The following DCDC1 variants were observed in gnomAD, a reference collection of about 807,000 sequenced individuals.
DCDC1 encodes doublecortin domain-containing protein 1.
A neutral mutation model predicts 178.3 loss-of-function variants in DCDC1; 200 were observed. The ratio of observed to expected loss-of-function variants is 1.12; its 90% CI spans 1.00 to 1.26. The LOEUF (loss-of-function observed/expected upper bound fraction) is 1.26. Ranked by LOEUF, DCDC1 falls within the 50% of genes most tolerant of loss-of-function variation. The pLI, the probability that DCDC1 is intolerant of heterozygous loss-of-function variation, is 0.00. For missense variants in DCDC1, 1,983 were observed against 1,749.2 expected, an observed-to-expected ratio of 1.13 and a Z score of -2.38; for synonymous variants, 690 against 604.8, an observed-to-expected ratio of 1.14 and a Z score of -2.07.
At chr11:30,999,300 G>A (rs146158490) in intron 20 of DCDC1, among the ~76,000 whole-genome samples, 10 of 152,228 alleles carry the variant, frequency 6.6e-5, no homozygotes, top group African/African-American at 1.9e-4. Context: ...TCTGATAAAT[G>A]TATCATGGTT....
chr11:31,159,169 T>C (rs1327741198), intron 9 of DCDC1, among the ~76,000 whole-genome samples: 6 of 152,244 alleles, frequency 3.9e-5, no homozygotes, highest in African/African-American at 1.2e-4. Context: ...TGTCAAATAA[T>C]TAATAAAGCA....
intron 11 of DCDC1, among the ~76,000 whole-genome samples, chr11:31,111,396 C>T (rs1286131685): frequency 3.3e-5 from 5 of 151,806 alleles, no homozygotes; most frequent in Non-Finnish European, 7.4e-5. Flanking sequence ...ATAACACTTC[C>T]TCAGCCTTTA....
rs573645447 is a variant in DCDC1, at chr11:31,241,481, C to T, written c.1190G>A (p.Arg397Gln). ...IQGVLLALYQ[R>Q]LKSAKKYYKQ... is the part of the protein sequence containing the mutation. Reference sequence around the variant, plus strand: ...ATAATATTTTTTTGCAGACTTTAATCGTTGGTACAGGGCCAAAAGAACTCC... The same window carrying T: ...ATAATATTTTTTTGCAGACTTTAATTGTTGGTACAGGGCCAAAAGAACTCC... The change falls in exon 9 of 39, where the codon CGA becomes CAA. Residue 397 changes from arginine to glutamine, a missense_variant. Physicochemically the swap from Arg to Gln is conservative, Grantham distance 43 (BLOSUM62 1). Coordinates refer to ENST00000684477, the MANE Select transcript of DCDC1 (RefSeq NM_001387274.1). The T allele has an allele frequency of 2.0e-5, 8 of 397,288 alleles. No individual in the cohort carries two copies. The South Asian group carries it at 5.1e-4, about 25-fold the overall frequency. The allele number at this position is 397,288 out of a possible 1,614,324, so 24.6% of individuals were successfully genotyped here.
At chr11:31,247,735 T>A (rs1231665486) in intron 8 of DCDC1, among the ~76,000 whole-genome samples, 2 of 152,184 alleles carry the variant, frequency 1.3e-5, no homozygotes, top group South Asian at 4.1e-4. Flanking sequence ...CAGGTCAGCA[T>A]ACACAATTCA....
At chr11:31,258,149 A>G (rs1944538647) in intron 8 of DCDC1, among the ~76,000 whole-genome samples, 1 of 152,234 alleles carries the variant, frequency 6.6e-6, no homozygotes, top group Non-Finnish European at 1.5e-5. Context: ...AAGGAAAGAC[A>G]AAGACAAGAT....
intron 20 of DCDC1, among the ~76,000 whole-genome samples, chr11:30,977,546 A>G (rs1429270902): frequency 6.6e-6 from 1 of 152,204 alleles, no homozygotes; most frequent in South Asian, 2.1e-4. Context: ...AGTTTTTAAA[A>G]TTATATAAAA....
intron 9 of DCDC1, among the ~76,000 whole-genome samples, chr11:31,213,580 C>T (rs1022403923): frequency 3.3e-5 from 5 of 151,738 alleles, no homozygotes; most frequent in East Asian, 1.9e-4. Context: ...ATTAGCCAGG[C>T]GTGGTGGCGG....
At chr11:30,988,846 C>G (rs1463764044) in intron 20 of DCDC1, among the ~76,000 whole-genome samples, 1 of 152,214 alleles carries the variant, frequency 6.6e-6, no homozygotes, top group Non-Finnish European at 1.5e-5. Flanking sequence ...GATCTAGAGC[C>G]TTTCCACCAG....
intron 20 of DCDC1, among the ~76,000 whole-genome samples, chr11:30,968,748 TTCTGTGGTTTCAGGC>T (rs1949615492): frequency 7.1e-6 from 1 of 140,776 alleles, no homozygotes; most frequent in Non-Finnish European, 1.5e-5. Flanking sequence ...GTTTGATATT[TTCTGTGGTTTCAGGC>T]ATCCACTAGG....
intron 1 of DCDC1, among the ~76,000 whole-genome samples, chr11:31,353,914 G>C (rs528953437): frequency 6.6e-6 from 1 of 152,188 alleles, no homozygotes; most frequent in African/African-American, 2.4e-5. Flanking sequence ...CAGTCTCTAA[G>C]AAGTACATTG....
chr11:31,251,770 A>T lies in DCDC1; in HGVS notation c.1055-10154T>A, dbSNP rs952821988. On this transcript the variant is annotated intron_variant, in intron 8 of 38. Transcript: ENST00000684477. ...GTAATATTTAAATAAAGACCTTAAC[A>T]TAAGTAGGCAATAGCCTGCCAAGAG... Among the ~76,000 whole-genome samples the T allele has an allele frequency of 2.0e-5, 3 of 152,188 alleles. 1 individual carries two copies. In the South Asian group the frequency reaches 6.2e-4, roughly 31 times the overall value.
At chr11:31,299,688 A>G (rs994572833) in intron 6 of DCDC1, among the ~76,000 whole-genome samples, 2 of 152,158 alleles carry the variant, frequency 1.3e-5, no homozygotes, top group African/African-American at 4.8e-5. Flanking sequence ...GATACGTGTG[A>G]CAACTTGTAT....
At chr11:31,095,514 G>A (rs888862174) in intron 15 of DCDC1, among the ~76,000 whole-genome samples, 2 of 152,196 alleles carry the variant, frequency 1.3e-5, no homozygotes, top group African/African-American at 4.8e-5. Flanking sequence ...AGGTTGATCT[G>A]ATAAGGGTAG....
intron 9 of DCDC1, among the ~76,000 whole-genome samples, chr11:31,217,619 T>C (rs1973748667): frequency 6.6e-6 from 1 of 152,168 alleles, no homozygotes; most frequent in African/African-American, 2.4e-5. Context: ...TGCCATCCCA[T>C]TGTTTATCCA....
At chr11:31,219,217 A>G (rs1003038748) in intron 9 of DCDC1, among the ~76,000 whole-genome samples, 3 of 152,332 alleles carry the variant, frequency 2.0e-5, no homozygotes, top group Admixed American at 2.0e-4. Flanking sequence ...GATTTTTAAC[A>G]AATGTATCTG....
At chr11:30,881,510 C>A (rs1590207892) in intron 36 of DCDC1, among the ~76,000 whole-genome samples, 2 of 152,294 alleles carry the variant, frequency 1.3e-5, no homozygotes, top group Non-Finnish European at 2.9e-5. Context: ...AGCTTCAGGA[C>A]TCTCCGGTGA....
chr11:30,942,750 T>G (rs1309238750), intron 21 of DCDC1, among the ~76,000 whole-genome samples: 2 of 152,352 alleles, frequency 1.3e-5, no homozygotes, highest in Non-Finnish European at 2.9e-5. Context: ...CTGCTGTCTT[T>G]GGATGGCTTC....
At chr11:31,055,849 G>C (rs568168062) in intron 20 of DCDC1, among the ~76,000 whole-genome samples, 2 of 152,262 alleles carry the variant, frequency 1.3e-5, no homozygotes, top group South Asian at 2.1e-4. Context: ...GGTACTTGGG[G>C]GGAAGGATGG....
At chr11:31,056,533 T>C (rs974725782) in intron 20 of DCDC1, among the ~76,000 whole-genome samples, 1 of 152,106 alleles carries the variant, frequency 6.6e-6, no homozygotes, top group Non-Finnish European at 1.5e-5. Flanking sequence ...CTGGGACCAC[T>C]ATATTTAATA....
Sources: gnomAD v4.1 joint callset for allele counts (sites outside exome capture counted in the v4.1 genomes callset) on GRCh38, gnomAD v4.1.1 for gene constraint, MANE v1.5 for transcripts, NCBI Gene and HGNC (gene_info 2026-07-23, HGNC 2026-07-21) for gene names.